XKRX: variants seen among roughly 807,000 people sequenced by gnomAD.
XKRX encodes the protein XK related X-linked, also known as XK-related protein 2.
In XKRX, 11 loss-of-function variants were observed where a neutral mutation model predicts 22.4. That is an observed-to-expected ratio of 0.49 (90% confidence interval 0.31 to 0.81). The LOEUF (loss-of-function observed/expected upper bound fraction) is 0.81. XKRX is among the 40% of genes least tolerant of loss of function. The pLI is 0.05. For missense variants in XKRX, 320 were observed against 336.5 expected (o/e 0.95, Z 0.38); for synonymous variants, 114 against 132.2 (o/e 0.86, Z 0.94).
intron 2 of XKRX, among the ~76,000 whole-genome samples, chrX:100,921,364 G>C (rs1256989402): frequency 9.0e-6 from 1 of 111,618 alleles, no homozygotes; most frequent in Non-Finnish European, 1.9e-5. Context: ...TTTATTAGAT[G>C]ATTTAAAGGA....
intron 1 of XKRX, among the ~76,000 whole-genome samples, chrX:100,924,909 T>C (rs1449858024): frequency 1.8e-5 from 2 of 111,683 alleles, no homozygotes; most frequent in East Asian, 5.6e-4. Context: ...GAACATATGC[T>C]GGCTGCCAGT....
chrX:100,918,415 G>A (rs1359852853), intron 2 of XKRX, among the ~76,000 whole-genome samples: 1 of 111,716 alleles, frequency 9.0e-6, no homozygotes, highest in South Asian at 3.7e-4. Flanking sequence ...GCTGTGTGGC[G>A]ATGCTTTCCC....
At chrX:100,908,104 G>GGTGTGT in the XKRX span, among the ~76,000 whole-genome samples, 3 of 6,812 alleles carry the variant, frequency 4.4e-4, no homozygotes, top group African/African-American at 1.7e-3. Context: ...TTTCATGCAT[G>GGTGTGT]GAGTGTGTGT....
chrX:100,956,630 CAGATTTTATGGA>C, the XKRX span: 1 of 530,697 alleles, frequency 1.9e-6, no homozygotes, highest in Non-Finnish European at 3.4e-6. Flanking sequence ...TTTAAGAAAG[CAGATTTTATGGA>C]ATATAGACAT....
the XKRX span, among the ~76,000 whole-genome samples, chrX:100,897,733 G>A: frequency 1.9e-5 from 2 of 102,726 alleles, no homozygotes; most frequent in Admixed American, 2.2e-4. Context: ...CCCAGCCTTT[G>A]GTCTTTCAAT....
At chrX:100,921,056 C>G (rs1441227971) in intron 2 of XKRX, among the ~76,000 whole-genome samples, 2 of 111,845 alleles carry the variant, frequency 1.8e-5, no homozygotes, top group East Asian at 5.6e-4. Flanking sequence ...CATCCACCAC[C>G]ATACCCGGCT....
chrX:100,946,886 G>A, the XKRX span, among the ~76,000 whole-genome samples: 11 of 111,827 alleles, frequency 9.8e-5, no homozygotes, highest in African/African-American at 3.6e-4. Flanking sequence ...GTATAAAAGG[G>A]TGAAGAGTAG....
At chrX:100,907,137 A>AT in the XKRX span, among the ~76,000 whole-genome samples, 1 of 111,623 alleles carries the variant, frequency 9.0e-6, no homozygotes, top group Non-Finnish European at 1.9e-5. Flanking sequence ...ATTTTGAATG[A>AT]TTTTTTATAG....
the XKRX span, among the ~76,000 whole-genome samples, chrX:100,897,355 C>T: frequency 9.1e-6 from 1 of 109,955 alleles, no homozygotes; most frequent in African/African-American, 3.3e-5. Flanking sequence ...GAGGCCAAGG[C>T]AGGTGGACCA....
chrX:100,919,306 C>T (rs1271294386), intron 2 of XKRX, among the ~76,000 whole-genome samples: 3 of 111,294 alleles, frequency 2.7e-5, no homozygotes, highest in Non-Finnish European at 5.7e-5. Context: ...TGTGATAGGC[C>T]TTTGTAAGAA....
the XKRX span, among the ~76,000 whole-genome samples, chrX:100,949,479 C>T: frequency 3.1e-3 from 340 of 108,256 alleles, no homozygotes; most frequent in Non-Finnish European, 5.8e-3. Flanking sequence ...GATTCTCCTG[C>T]CTCAGTTTCC....
At chrX:100,915,885 A>C (rs1243383287) in intron 2 of XKRX, among the ~76,000 whole-genome samples, 1 of 111,116 alleles carries the variant, frequency 9.0e-6, no homozygotes, top group African/African-American at 3.3e-5. Context: ...TTGAACACCT[A>C]GCAACAGAGT....
At chrX:100,910,636 G>C (rs2085403912), downstream of XKRX, 1 of 360,114 alleles carries the variant, frequency 2.8e-6, no homozygotes. Flanking sequence ...CTCGGCTCGT[G>C]GGTCTCTGAG....
At chrX:100,933,167 C>CAA (rs368329309), upstream of XKRX, among the ~76,000 whole-genome samples, 4 of 85,815 alleles carry the variant, frequency 4.7e-5, no homozygotes, top group African/African-American at 1.3e-4. Flanking sequence ...AACTCTGTCT[C>CAA]AAAAAAAAAA....
At chrX:100,945,348 A>G in the XKRX span, among the ~76,000 whole-genome samples, 390 of 110,613 alleles carry the variant, frequency 3.5e-3, 2 homozygotes, top group African/African-American at 0.012. Context: ...CAAACTTCCA[A>G]ACTCAAGTGA....
At chrX:100,900,903 C>A in the XKRX span, among the ~76,000 whole-genome samples, 1 of 107,403 alleles carries the variant, frequency 9.3e-6, no homozygotes, top group Non-Finnish European at 1.9e-5. Flanking sequence ...CATTCTCCTG[C>A]CTCAGCCTCC....
In XKRX at chrX:100,922,904, G is replaced by A. The variant is rs935529896; in HGVS notation, c.493C>T (p.Arg165Cys). The stretch of plus-strand genomic sequence containing the variant: ...TGTGACATACGTTTGTAGGCATTGC[G>A]GTGCATAGCCAGGGTCCGGATGGAG... ...GHSIRTLAMH[R>C]NAYKRMSQIQ... Residue 165 changes from arginine (R) to cysteine (C), a missense_variant, in exon 2 of 3, where the codon CGC (arginine) becomes TGC (cysteine). Arg to Cys is a radical substitution (Grantham distance 180, BLOSUM62 -3). Coordinates refer to ENST00000372956, the MANE Select transcript of XKRX (RefSeq NM_212559.3). The A allele has an allele frequency of 6.6e-6, 8 of 1,209,237 alleles. No homozygotes were observed. Among genetic ancestry groups the A allele is most frequent in the Admixed American group, 4.4e-5 (2 of 45,597 alleles).
the XKRX span, among the ~76,000 whole-genome samples, chrX:100,949,517 C>A: frequency 9.1e-6 from 1 of 109,878 alleles, no homozygotes; most frequent in Non-Finnish European, 1.9e-5. Flanking sequence ...AAGGCGTGCA[C>A]CACCATGCCC....
At chrX:100,906,930 CTCTTA>C in the XKRX span, among the ~76,000 whole-genome samples, 1 of 111,845 alleles carries the variant, frequency 8.9e-6, no homozygotes, top group African/African-American at 3.2e-5. Context: ...ATCACCTTTT[CTCTTA>C]TAAGGATCCT....
Sources: gnomAD v4.1 joint callset for allele counts (sites outside exome capture counted in the v4.1 genomes callset) on GRCh38, gnomAD v4.1.1 for gene constraint, MANE v1.5 for transcripts, NCBI Gene and HGNC (gene_info 2026-07-23, HGNC 2026-07-21) for gene names.